Variants in MACROD2 observed in about 807,000 individuals in gnomAD.
The protein encoded by MACROD2 is ADP-ribose glycohydrolase MACROD2.
Under a neutral mutation model 70.4 loss-of-function variants are expected in MACROD2, and 36 were observed. That is an observed-to-expected ratio of 0.51 (90% CI 0.39 to 0.68). MACROD2 has a LOEUF of 0.68. Ranked by LOEUF, MACROD2 falls within the 30% of genes least tolerant of loss-of-function variation. The pLI is 0.00. For missense variants in MACROD2, 496 were observed against 538.4 expected (o/e 0.92, Z 0.78); for synonymous variants, 172 against 178.8 (o/e 0.96, Z 0.30).
At position 14,765,039 on chromosome 20, in the gene MACROD2, G is replaced by C. The variant is rs1433918064; in HGVS notation, c.418+80080G>C. Among the ~76,000 whole-genome samples, 4 of 152,084 alleles carry C rather than the reference G, an allele frequency of 2.6e-5. No individual in the cohort carries two copies. In the South Asian group the frequency reaches 6.2e-4, roughly 24 times the overall value. Reference sequence around the variant, plus strand: ...CTTACCAGCTGAACCGGTACCTAGTGTTCCAGCAAATACTTCAGTTCAAAA... The same window carrying C: ...CTTACCAGCTGAACCGGTACCTAGTCTTCCAGCAAATACTTCAGTTCAAAA... On this transcript the variant is annotated intron_variant, in intron 5 of 17. Coordinates refer to ENST00000684519, the MANE Select transcript of MACROD2 (RefSeq NM_001351661.2).
At chr20:15,723,141 C>G (rs901630859) in intron 8 of MACROD2, among the ~76,000 whole-genome samples, 2 of 152,082 alleles carry the variant, frequency 1.3e-5, no homozygotes, top group Non-Finnish European at 2.9e-5. Context: ...ATTTTTAGAG[C>G]ATTTTTAGGC....
At chr20:15,422,187 T>C (rs947790786) in intron 6 of MACROD2, among the ~76,000 whole-genome samples, 2 of 151,886 alleles carry the variant, frequency 1.3e-5, no homozygotes, top group African/African-American at 4.8e-5. Flanking sequence ...TGATGGGAGG[T>C]GATTACAGGG....
intron 8 of MACROD2, among the ~76,000 whole-genome samples, chr20:15,711,859 C>T (rs148461497): frequency 0.017 from 2,659 of 152,176 alleles, 36 homozygotes; most frequent in Non-Finnish European, 0.022. Context: ...AGAGTAACTG[C>T]GACAGGGGTG....
intron 3 of MACROD2, among the ~76,000 whole-genome samples, chr20:14,491,336 G>C (rs1420400944): frequency 6.6e-6 from 1 of 152,094 alleles, no homozygotes; most frequent in Non-Finnish European, 1.5e-5. Context: ...GGATTCTTTG[G>C]AAAAATCATT....
chr20:15,873,755 A>G (rs2064620784), intron 9 of MACROD2, among the ~76,000 whole-genome samples: 1 of 152,134 alleles, frequency 6.6e-6, no homozygotes, highest in East Asian at 1.9e-4. Flanking sequence ...GTTTAAAAAT[A>G]GAAAGAAAAG....
chr20:15,230,025 T>C lies in MACROD2; in HGVS notation c.504T>C (p.Ser168=). 1.9e-6 allele frequency: 3 copies of C among 1,613,688 alleles called. No individual in the cohort carries two copies. The highest frequency in any genetic ancestry group is 2.5e-6 in the Non-Finnish European group (3 of 1,179,756). ...KEDLANCYKS[S]LKLVKENNIR... ...ACCTTGCAAATTGCTATAAATCATCTCTGAAGCTCGTGAAAGAAAATAACA... is the reference window on the plus strand; with the variant it reads ...ACCTTGCAAATTGCTATAAATCATCCCTGAAGCTCGTGAAAGAAAATAACA... Residue 168 remains serine (S), a synonymous_variant, in exon 6 of 18, where the codon TCT becomes TCC. Coordinates refer to ENST00000684519, the MANE Select transcript of MACROD2 (RefSeq NM_001351661.2).
chr20:15,350,092 A>G (rs1299680636), intron 6 of MACROD2, among the ~76,000 whole-genome samples: 1 of 152,188 alleles, frequency 6.6e-6, no homozygotes, highest in Non-Finnish European at 1.5e-5. Flanking sequence ...AGTCTAGTGA[A>G]CCTGACTGTG....
intron 5 of MACROD2, among the ~76,000 whole-genome samples, chr20:15,163,739 A>G (rs2076363969): frequency 6.6e-6 from 1 of 151,932 alleles, no homozygotes. Context: ...TTTCAAAAAG[A>G]CAATGTATGA....
chr20:14,804,441 G>A lies in MACROD2; in HGVS notation c.418+119482G>A, dbSNP rs562487997. Among the ~76,000 whole-genome samples the A allele has an allele frequency of 8.2e-4, 124 of 152,040 alleles. 1 individual carries two copies. The highest frequency in any genetic ancestry group is 1.6e-3 in the Non-Finnish European group (106 of 67,962). On this transcript the variant is annotated intron_variant, in intron 5 of 17. Transcript: ENST00000684519. ...CAGCATCTAGACAAATAGCATACAT[G>A]GTTCAAGGTCACTCCATGCAACCTG...
chr20:14,747,500 C>T (rs1049191300), intron 5 of MACROD2, among the ~76,000 whole-genome samples: 3 of 152,044 alleles, frequency 2.0e-5, no homozygotes, highest in Non-Finnish European at 4.4e-5. Flanking sequence ...CTTCTGCCAC[C>T]CTCTCTTCCC....
intron 4 of MACROD2, among the ~76,000 whole-genome samples, chr20:14,590,636 A>G (rs576245669): frequency 4.2e-4 from 64 of 152,292 alleles, no homozygotes; most frequent in African/African-American, 1.5e-3. Flanking sequence ...CCGTATCTGT[A>G]TATTTTAATA....
At chr20:14,353,440 G>A (rs560565615) in intron 3 of MACROD2, among the ~76,000 whole-genome samples, 2 of 152,038 alleles carry the variant, frequency 1.3e-5, no homozygotes, top group East Asian at 3.9e-4. Flanking sequence ...GTTTCTCTTG[G>A]TGAATATACC....
At chr20:14,108,798 A>G (rs539514949) in intron 3 of MACROD2, among the ~76,000 whole-genome samples, 1 of 152,116 alleles carries the variant, frequency 6.6e-6, no homozygotes, top group South Asian at 2.1e-4. Context: ...AGAGAGATAT[A>G]ACCCAATACA....
intron 8 of MACROD2, among the ~76,000 whole-genome samples, chr20:15,605,453 CGTGTGTGTGTGTGT>C (rs57584580): frequency 3.5e-5 from 5 of 141,690 alleles, no homozygotes; most frequent in Admixed American, 2.8e-4. Context: ...AGGATGTAAG[CGTGTGTGTGTGTGT>C]GTGTGTGTGT....
At chr20:15,740,108 G>C (rs187281267) in intron 8 of MACROD2, among the ~76,000 whole-genome samples, 1 of 152,174 alleles carries the variant, frequency 6.6e-6, no homozygotes, top group African/African-American at 2.4e-5. Context: ...GGTCTCAGGC[G>C]CTATGACCAG....
intron 5 of MACROD2, among the ~76,000 whole-genome samples, chr20:14,690,525 A>C (rs1020148524): frequency 6.6e-6 from 1 of 152,236 alleles, no homozygotes; most frequent in African/African-American, 2.4e-5. Context: ...GTAGCTCATC[A>C]GTCCTTTTGA....
chr20:14,219,003 G>A (rs917676460), intron 3 of MACROD2, among the ~76,000 whole-genome samples: 3 of 152,122 alleles, frequency 2.0e-5, no homozygotes, highest in Non-Finnish European at 4.4e-5. Flanking sequence ...ACCTGATGAC[G>A]AAGTGCCTAG....
At chr20:15,427,112 A>AT (rs893407978) in intron 6 of MACROD2, among the ~76,000 whole-genome samples, 1 of 152,016 alleles carries the variant, frequency 6.6e-6, no homozygotes, top group Non-Finnish European at 1.5e-5. Context: ...CATAAAATGA[A>AT]TTTTTTTCCA....
At chr20:14,258,595 T>C (rs1568525064) in intron 3 of MACROD2, among the ~76,000 whole-genome samples, 1 of 152,326 alleles carries the variant, frequency 6.6e-6, no homozygotes, top group East Asian at 1.9e-4. Flanking sequence ...GAGCTCCCTG[T>C]AGATTCTGGA....
Sources: allele counts gnomAD v4.1 joint callset (sites outside exome capture counted in the v4.1 genomes callset), GRCh38; gene constraint gnomAD v4.1.1; transcripts MANE v1.5; gene names NCBI Gene and HGNC (gene_info 2026-07-23, HGNC 2026-07-21).